The following RYR2 variants were observed in gnomAD, a reference collection of about 807,000 sequenced individuals.
RYR2 encodes the protein ryanodine receptor 2, also known as cardiac muscle ryanodine receptor-calcium release channel.
In RYR2, 227 loss-of-function variants were observed where a neutral mutation model predicts 601.1. The ratio of observed to expected loss-of-function variants is 0.38; its 90% CI spans 0.34 to 0.42. The LOEUF is 0.42. RYR2 is among the 10% of genes least tolerant of loss of function. RYR2 has a pLI of 1.00. For synonymous variants in RYR2, 2,223 were observed against 2,175.1 expected (o/e 1.02, Z -0.61); for missense variants, 4,646 against 6,156.5 (o/e 0.75, Z 8.21).
At chr1:237,493,836 A>T (rs1663716585) in intron 19 of RYR2, among the ~76,000 whole-genome samples, 1 of 152,190 alleles carries the variant, frequency 6.6e-6, no homozygotes, top group Non-Finnish European at 1.5e-5. Context: ...ATAACCAATA[A>T]AACTACATCT....
chr1:237,520,515 C>T (rs1283198117), intron 24 of RYR2, among the ~76,000 whole-genome samples: 3 of 152,190 alleles, frequency 2.0e-5, no homozygotes, highest in Admixed American at 1.3e-4. Context: ...TATTATGAAG[C>T]GATGCTGAAT....
chr1:237,735,870 C>A (rs1370796534), intron 79 of RYR2, among the ~76,000 whole-genome samples: 1 of 152,166 alleles, frequency 6.6e-6, no homozygotes, highest in African/African-American at 2.4e-5. Context: ...CACAATCACC[C>A]ATTTTACTTT....
chr1:237,778,827 T>C (rs2149335843), intron 88 of RYR2, 57 bp downstream of exon 88: 1 of 830,382 alleles, frequency 1.2e-6, no homozygotes, highest in South Asian at 1.4e-5. Context: ...ACTGTAATCA[T>C]CAGCAAATTA....
At chr1:237,582,672 A>G (rs373761056) in intron 29 of RYR2, among the ~76,000 whole-genome samples, 1 of 152,058 alleles carries the variant, frequency 6.6e-6, no homozygotes, top group South Asian at 2.1e-4. Flanking sequence ...GAGAATACAC[A>G]GTGTTTGGCT....
chr1:237,336,319 T>C (rs1697233052), intron 3 of RYR2, among the ~76,000 whole-genome samples: 1 of 152,176 alleles, frequency 6.6e-6, no homozygotes, highest in Non-Finnish European at 1.5e-5. Flanking sequence ...TAGAAAATAA[T>C]ACTTGTCAGG....
Position 237,732,152 on chromosome 1 carries a change from A to G in RYR2, c.11039+3A>G. On this transcript the variant is annotated splice_donor_region_variant and intron_variant, in intron 78 of 104. Transcript: ENST00000366574. ...CGGACAGCTTTAACAGAGAAATGGT[A>G]TGGTTGGGAGGGTTCCTATGAGACA... 2 of 1,591,530 alleles carry G rather than the reference A, an allele frequency of 1.3e-6. No homozygotes were observed. The highest frequency in any genetic ancestry group is 1.7e-6 in the Non-Finnish European group (2 of 1,160,422).
chr1:237,089,134 C>T (rs1666675285), intron 1 of RYR2, among the ~76,000 whole-genome samples: 1 of 152,202 alleles, frequency 6.6e-6, no homozygotes, highest in African/African-American at 2.4e-5. Flanking sequence ...TCAGGAAATT[C>T]CCTGCCAATT....
At chr1:237,451,084 G>A (rs1658037264) in intron 14 of RYR2, among the ~76,000 whole-genome samples, 1 of 151,974 alleles carries the variant, frequency 6.6e-6, no homozygotes, top group African/African-American at 2.4e-5. Context: ...ATGCACAGGA[G>A]TATTACCTAT....
intron 17 of RYR2, among the ~76,000 whole-genome samples, chr1:237,481,312 A>G (rs778205489): frequency 4.6e-5 from 7 of 152,074 alleles, no homozygotes; most frequent in Non-Finnish European, 1.0e-4. Flanking sequence ...AAAATAATTT[A>G]CCAGTTTATC....
intron 14 of RYR2, among the ~76,000 whole-genome samples, chr1:237,446,058 G>A (rs771862828): frequency 3.9e-5 from 6 of 152,048 alleles, no homozygotes; most frequent in East Asian, 1.9e-4. Flanking sequence ...CTCATGATCC[G>A]CTCTCCTTGG....
At chr1:237,430,615 G>C (rs1706710342) in intron 12 of RYR2, among the ~76,000 whole-genome samples, 1 of 152,006 alleles carries the variant, frequency 6.6e-6, no homozygotes, top group Non-Finnish European at 1.5e-5. Context: ...GGATTATTTT[G>C]GCTATTACAA....
rs4659818 is a variant in RYR2 at position 237,831,657 on chromosome 1, G to A, written c.14808+92G>A. The A allele has an allele frequency of 0.047, 33,852 of 727,374 alleles. 3,060 individuals carry two copies. The highest frequency in any genetic ancestry group is 0.27 in the East Asian group (9,911 of 37,378). 45.1% of individuals were successfully genotyped at this position (727,374 alleles called of 1,614,324 possible). ...ATGTGTGCATTAAACAGTGAGGCAC[G>A]GAATTACTTTCAGATATTAGTTGTG... On this transcript the variant is annotated intron_variant, in intron 104 of 104. Coordinates refer to ENST00000366574, the MANE Select transcript of RYR2 (RefSeq NM_001035.3).
rs886046285 is a variant in RYR2, at chr1:237,832,834, C to G, written c.*187C>G. 4.0e-6 allele frequency: 2 copies of G among 498,594 alleles called. No homozygotes were observed. Among genetic ancestry groups the G allele is most frequent in the Admixed American group, 7.1e-5 (2 of 28,252 alleles). The allele number at this position is 498,594 out of a possible 1,614,324, so 30.9% of individuals were successfully genotyped here. On this transcript the variant is annotated 3_prime_UTR_variant, in exon 105 of 105. Transcript: ENST00000366574. ...CCCACCTTTTGTATTTACTTTGAGA[C>G]TAAAGACTGAAGAATAATCTAAATT...
intron 16 of RYR2, among the ~76,000 whole-genome samples, chr1:237,459,749 C>A (rs183776822): frequency 7.0e-4 from 107 of 152,268 alleles, no homozygotes; most frequent in African/African-American, 2.4e-3. Context: ...TATTTTAGAA[C>A]CTACAAAAGT....
intron 8 of RYR2, among the ~76,000 whole-genome samples, chr1:237,382,786 A>G (rs1238868215): frequency 1.3e-5 from 2 of 152,162 alleles, no homozygotes; most frequent in African/African-American, 4.8e-5. Flanking sequence ...CAAGTGATTT[A>G]TTATATGAAC....
At chr1:237,378,359 T>C (rs1701200450) in intron 8 of RYR2, among the ~76,000 whole-genome samples, 1 of 152,236 alleles carries the variant, frequency 6.6e-6, no homozygotes, top group East Asian at 1.9e-4. Context: ...ATTTAGTAAG[T>C]TGTAGTTTTG....
chr1:237,139,913 G>T (rs11590240), intron 1 of RYR2, among the ~76,000 whole-genome samples: 1 of 152,188 alleles, frequency 6.6e-6, no homozygotes, highest in African/African-American at 2.4e-5. Context: ...AGCTCACAAC[G>T]TGTGTGCAGA....
chr1:237,435,059 T>A lies in RYR2; in HGVS notation c.1006-6260T>A, dbSNP rs114144201. On this transcript the variant is annotated intron_variant, in intron 12 of 104. Coordinates refer to ENST00000366574, the MANE Select transcript of RYR2 (RefSeq NM_001035.3). ...CCAAAATGCTGGGGTTACCCAGGCATGTGCTACGATGCCAGACTAAAACAT... is the reference window on the plus strand; with the variant it reads ...CCAAAATGCTGGGGTTACCCAGGCAAGTGCTACGATGCCAGACTAAAACAT... Among the ~76,000 whole-genome samples, 1,242 of 152,314 alleles carry A rather than the reference T, an allele frequency of 8.2e-3. 15 individuals are homozygous for A. The highest frequency in any genetic ancestry group is 0.027 in the African/African-American group (1,134 of 41,568).
chr1:237,522,862 T>G (rs1030913879), intron 24 of RYR2, among the ~76,000 whole-genome samples: 1 of 152,178 alleles, frequency 6.6e-6, no homozygotes, highest in Non-Finnish European at 1.5e-5. Context: ...ACTGAATGCA[T>G]GTAAGGCCAA....
Sources: allele counts gnomAD v4.1 joint callset (sites outside exome capture counted in the v4.1 genomes callset), GRCh38; gene constraint gnomAD v4.1.1; transcripts MANE v1.5; gene names NCBI Gene and HGNC (gene_info 2026-07-23, HGNC 2026-07-21).